The following LOC128092253 variants were observed in gnomAD, a reference collection of about 807,000 sequenced individuals.
the LOC128092253 span, among the ~76,000 whole-genome samples, chr6:133,955,720 T>G: frequency 7.9e-5 from 12 of 152,330 alleles, 1 homozygote; most frequent in East Asian, 9.6e-4. Flanking sequence ...AGACGGTCAC[T>G]TTTTAAAAAA....
At chr6:133,965,070 G>A in the LOC128092253 span, among the ~76,000 whole-genome samples, 1 of 152,146 alleles carries the variant, frequency 6.6e-6, no homozygotes, top group African/African-American at 2.4e-5. Flanking sequence ...ACCAACTTAT[G>A]AGAAGATTTA....
chr6:133,961,960 G>A, the LOC128092253 span, among the ~76,000 whole-genome samples: 1 of 152,020 alleles, frequency 6.6e-6, no homozygotes, highest in Admixed American at 6.6e-5. Flanking sequence ...ATTTTGTTCT[G>A]AGCTGTATTC....
chr6:133,974,528 C>T, the LOC128092253 span, among the ~76,000 whole-genome samples: 1 of 152,126 alleles, frequency 6.6e-6, no homozygotes, highest in African/African-American at 2.4e-5. Context: ...GGGGTTTCAC[C>T]GTGTTGGTCA....
chr6:133,955,988 T>C, the LOC128092253 span, among the ~76,000 whole-genome samples: 1 of 152,182 alleles, frequency 6.6e-6, no homozygotes, highest in South Asian at 2.1e-4. Context: ...CTGAATGTTT[T>C]TGGAGAGAGT....
At chr6:133,955,669 A>G in the LOC128092253 span, among the ~76,000 whole-genome samples, 1 of 152,252 alleles carries the variant, frequency 6.6e-6, no homozygotes. Flanking sequence ...ACTTAGCAGA[A>G]TGAAAGACGT....
chr6:133,967,227 A>G, the LOC128092253 span, among the ~76,000 whole-genome samples: 13 of 152,152 alleles, frequency 8.5e-5, no homozygotes, highest in Non-Finnish European at 1.6e-4. Flanking sequence ...TTTCCAGTTC[A>G]TTGTTATAGA....
At chr6:133,968,598 G>T in the LOC128092253 span, among the ~76,000 whole-genome samples, 1 of 152,186 alleles carries the variant, frequency 6.6e-6, no homozygotes, top group Non-Finnish European at 1.5e-5. Context: ...GAGAACAGGA[G>T]CAGTTCAGAA....
chr6:133,978,565 A>T, the LOC128092253 span, among the ~76,000 whole-genome samples: 4 of 152,198 alleles, frequency 2.6e-5, no homozygotes, highest in African/African-American at 7.2e-5. Flanking sequence ...CACTCCTCAT[A>T]CGTAAAAATT....
chr6:133,979,180 G>C, the LOC128092253 span, among the ~76,000 whole-genome samples: 1 of 152,142 alleles, frequency 6.6e-6, no homozygotes, highest in Non-Finnish European at 1.5e-5. Context: ...GAGGACAAAA[G>C]ACTTTGCCTT....
At chr6:133,959,842 T>C in the LOC128092253 span, among the ~76,000 whole-genome samples, 3 of 152,212 alleles carry the variant, frequency 2.0e-5, no homozygotes, top group African/African-American at 7.2e-5. Context: ...CTTTCAGATA[T>C]GAACATAATA....
chr6:133,972,264 T>G, the LOC128092253 span, among the ~76,000 whole-genome samples: 1 of 152,210 alleles, frequency 6.6e-6, no homozygotes, highest in African/African-American at 2.4e-5. Flanking sequence ...AACAGTAATT[T>G]CATAATTTCA....
chr6:133,976,967 C>CAA, the LOC128092253 span, among the ~76,000 whole-genome samples: 2 of 62,154 alleles, frequency 3.2e-5, no homozygotes, highest in Admixed American at 1.9e-4. Context: ...GACTTGGTCT[C>CAA]AAAAAAAAAA....
chr6:133,980,005 A>T, the LOC128092253 span: 2 of 1,090,726 alleles, frequency 1.8e-6, no homozygotes, highest in Non-Finnish European at 1.2e-6. Flanking sequence ...TTCATTTTTT[A>T]CATTTCAATT....
At chr6:133,962,917 T>C in the LOC128092253 span, among the ~76,000 whole-genome samples, 1 of 152,184 alleles carries the variant, frequency 6.6e-6, no homozygotes, top group Non-Finnish European at 1.5e-5. Context: ...CAGAGAAGTA[T>C]ATGAGATGGG....
At chr6:133,971,797 T>C in the LOC128092253 span, among the ~76,000 whole-genome samples, 14 of 152,168 alleles carry the variant, frequency 9.2e-5, no homozygotes, top group African/African-American at 3.1e-4. Context: ...TTTGCTGAGT[T>C]GGTTGAATTT....
At chr6:133,961,389 G>A in the LOC128092253 span, among the ~76,000 whole-genome samples, 2 of 151,632 alleles carry the variant, frequency 1.3e-5, no homozygotes, top group South Asian at 4.2e-4. Flanking sequence ...CCCTCTGCCG[G>A]GTTGCTCTTC....
At chr6:133,976,326 T>G in the LOC128092253 span, among the ~76,000 whole-genome samples, 1 of 152,172 alleles carries the variant, frequency 6.6e-6, no homozygotes, top group African/African-American at 2.4e-5. Flanking sequence ...AATTGAACAT[T>G]TACAATGTTT....
chr6:133,972,472 TA>T, the LOC128092253 span, among the ~76,000 whole-genome samples: 1 of 152,350 alleles, frequency 6.6e-6, no homozygotes, highest in South Asian at 2.1e-4. Context: ...GCTTGTCCAG[TA>T]ATCAGCAAAC....
At chr6:133,967,772 A>G in the LOC128092253 span, among the ~76,000 whole-genome samples, 1 of 152,222 alleles carries the variant, frequency 6.6e-6, no homozygotes, top group Non-Finnish European at 1.5e-5. Flanking sequence ...CTGTGTTTGA[A>G]AAGTTCACCC....
Sources: gnomAD v4.1 joint callset for allele counts (sites outside exome capture counted in the v4.1 genomes callset) on GRCh38, gnomAD v4.1.1 for gene constraint, MANE v1.5 for transcripts.